Variants in ROPN1 observed in about 807,000 individuals in gnomAD.
The protein encoded by ROPN1 is ropporin-1A.
In ROPN1, 14 loss-of-function variants were observed where a neutral mutation model predicts 20.5. The ratio of observed to expected loss-of-function variants is 0.68; its 90% CI spans 0.45 to 1.07. ROPN1 has a LOEUF of 1.07. ROPN1 is among the 50% of genes least tolerant of loss of function. The pLI is 0.00. For synonymous variants in ROPN1, 76 were observed against 95.7 expected, an observed-to-expected ratio of 0.79 and a Z score of 1.20; for missense variants, 169 against 242.8, an observed-to-expected ratio of 0.70 and a Z score of 2.02.
intron 1 of ROPN1, among the ~76,000 whole-genome samples, chr3:123,988,627 A>C (rs890509668): frequency 6.6e-6 from 1 of 152,308 alleles, no homozygotes; most frequent in Non-Finnish European, 1.5e-5. Flanking sequence ...TCTAGAGGGC[A>C]GATGAAGCTG....
At chr3:123,981,563 C>T (rs1402892293) in intron 1 of ROPN1, 1 of 153,936 alleles carries the variant, frequency 6.5e-6, no homozygotes, top group Non-Finnish European at 1.5e-5. Context: ...TGAAAATATC[C>T]GCCTACAGGC....
At chr3:123,989,487 G>A (rs558219776) in intron 1 of ROPN1, among the ~76,000 whole-genome samples, 2 of 152,304 alleles carry the variant, frequency 1.3e-5, no homozygotes, top group East Asian at 1.9e-4. Context: ...TGTTAGGACA[G>A]GGCACTGGAA....
chr3:123,969,650 C>G (rs2148988656), intron 5 of ROPN1, among the ~76,000 whole-genome samples: 1 of 152,304 alleles, frequency 6.6e-6, no homozygotes, highest in Middle Eastern at 3.4e-3. Context: ...CCTCCTCCTC[C>G]TTCTCCACTT....
chr3:123,982,537 A>T lies in ROPN1; in HGVS notation c.-12-2044T>A, dbSNP rs560352940. Among the ~76,000 whole-genome samples the T allele has an allele frequency of 1.7e-4, 26 of 152,186 alleles. No individual in the cohort carries two copies. In the East Asian group the frequency reaches 1.7e-3, roughly 10 times the overall value. ...TTTAAGCTGGATGGTTGCTGTCTAG[A>T]TGCTTGTTTCATTATTTTTATACTT... is the stretch of plus-strand genomic sequence containing the variant. On this transcript the variant is annotated intron_variant, in intron 1 of 5. Transcript: ENST00000405845.
At chr3:123,975,216 CG>C in intron 4 of ROPN1, 162 bp downstream of exon 4, 1 of 786,888 alleles carries the variant, frequency 1.3e-6, no homozygotes, top group South Asian at 1.7e-5. Flanking sequence ...CACTGCCTGA[CG>C]AGCACAGAAA....
At chr3:123,977,574 T>C (rs1325244696) in intron 2 of ROPN1, among the ~76,000 whole-genome samples, 1 of 152,040 alleles carries the variant, frequency 6.6e-6, no homozygotes, top group Non-Finnish European at 1.5e-5. Flanking sequence ...GGGGAAGAGA[T>C]GGAAGTGTCC....
intron 1 of ROPN1, among the ~76,000 whole-genome samples, chr3:123,983,527 T>C (rs754205616): frequency 2.0e-5 from 3 of 152,354 alleles, no homozygotes; most frequent in Non-Finnish European, 4.4e-5. Context: ...TTAGTCAGTA[T>C]AGAGCAAACT....
At chr3:123,976,292 G>A (rs1160993491) in intron 3 of ROPN1, among the ~76,000 whole-genome samples, 4 of 152,146 alleles carry the variant, frequency 2.6e-5, no homozygotes, top group Admixed American at 6.5e-5. Context: ...ACCCCAAACC[G>A]CTCTGTCCTG....
At chr3:123,971,905 C>T (rs928573988) in intron 4 of ROPN1, among the ~76,000 whole-genome samples, 3 of 151,956 alleles carry the variant, frequency 2.0e-5, no homozygotes, top group African/African-American at 4.8e-5. Context: ...AACATACGAC[C>T]GTTAAAAAGA....
intron 1 of ROPN1, among the ~76,000 whole-genome samples, chr3:123,988,885 A>G (rs1029528652): frequency 2.0e-5 from 3 of 151,954 alleles, no homozygotes; most frequent in African/African-American, 7.3e-5. Context: ...AAGTGTCAAG[A>G]AGCCTGCACT....
Position 123,971,388 on chromosome 3 carries a change from T to A in ROPN1, c.397-1171A>T, listed in dbSNP as rs539187983. On this transcript the variant is annotated intron_variant, in intron 4 of 5. Transcript: ENST00000405845. ...TAATTATTAATTTTAATTGAGTTAA[T>A]ATTTCAAATTTGATTCTTTACATTT... Among the ~76,000 whole-genome samples the A allele has an allele frequency of 2.6e-5, 4 of 152,394 alleles. No individual in the cohort carries two copies. The South Asian group carries it at 8.3e-4, about 32-fold the overall frequency.
intron 1 of ROPN1, among the ~76,000 whole-genome samples, chr3:123,983,772 G>A (rs1353336352): frequency 6.6e-6 from 1 of 151,986 alleles, no homozygotes; most frequent in African/African-American, 2.4e-5. Context: ...ACTCATAACA[G>A]GACCAGTACT....
At chr3:123,977,079 G>C in intron 2 of ROPN1, 98 bp from the exon 3 acceptor site, 5 of 1,309,414 alleles carry the variant, frequency 3.8e-6, no homozygotes, top group Non-Finnish European at 4.2e-6. Context: ...GAAGGAGGTA[G>C]AGAAAGGAAC....
At chr3:123,989,866 A>C (rs926748573) in intron 1 of ROPN1, among the ~76,000 whole-genome samples, 8 of 152,152 alleles carry the variant, frequency 5.3e-5, no homozygotes, top group Non-Finnish European at 1.2e-4. Context: ...AGCTCTGGGA[A>C]AGGTTTCTTC....
intron 1 of ROPN1, 55 bp from the exon 2 acceptor site, chr3:123,980,548 G>C: frequency 6.5e-7 from 1 of 1,541,968 alleles, no homozygotes; most frequent in South Asian, 1.2e-5. Flanking sequence ...CATACGATGA[G>C]AGCAATCCTG....
chr3:123,985,992 C>CAAAAAAAAAAAAAAAAAAAAAAAAAAAAA (rs35677015), intron 1 of ROPN1, among the ~76,000 whole-genome samples: 7 of 22,138 alleles, frequency 3.2e-4, no homozygotes, highest in African/African-American at 6.4e-4. Context: ...GACCTTGTCT[C>CAAAAAAAAAAAAAAAAAAAAAAAAAAAAA]AAAAAAAAAA....
In ROPN1 at chr3:123,976,017, G is replaced by A. The variant is rs1427840413; in HGVS notation, c.235-477C>T. On this transcript the variant is annotated intron_variant, in intron 3 of 5. Coordinates refer to ENST00000405845, the MANE Select transcript of ROPN1 (RefSeq NM_001317774.2). ...AAGTGCATCCCTCATGCTTTCCCAG[G>A]AATGATATGGGGTATGTGGCTGACC... 3.9e-5 allele frequency among the ~76,000 whole-genome samples: 6 copies of A among 152,144 alleles called. No individual in the cohort carries two copies. In the East Asian group the frequency reaches 1.2e-3, roughly 29 times the overall value.
At position 123,981,332 on chromosome 3, in the gene ROPN1, T is replaced by G. The variant is rs4247195; in HGVS notation, c.-12-839A>C. On this transcript the variant is annotated intron_variant, in intron 1 of 5. Transcript: ENST00000405845. ...ATCTTCCAGTGGCCAATGAGGTGAG[T>G]AAAGGGGAACCCGCAGTGCTGGGCA... The G allele has an allele frequency of 1.8e-4, 27 of 152,794 alleles. No homozygotes were observed. The East Asian group carries it at 2.5e-3, about 14-fold the overall frequency. The allele number at this position is 152,794 out of a possible 1,614,324, so 9.5% of individuals were successfully genotyped here.
chr3:123,989,172 GT>G (rs1438477878), intron 1 of ROPN1, among the ~76,000 whole-genome samples: 11 of 152,184 alleles, frequency 7.2e-5, no homozygotes, highest in Non-Finnish European at 2.9e-5. Context: ...AAGATGTGGG[GT>G]TGTCAGAAAC....
Sources: gnomAD v4.1 joint callset for allele counts (sites outside exome capture counted in the v4.1 genomes callset) on GRCh38, gnomAD v4.1.1 for gene constraint, MANE v1.5 for transcripts, NCBI Gene and HGNC (gene_info 2026-07-23, HGNC 2026-07-21) for gene names.